The following ELP4 variants were observed in gnomAD, a reference collection of about 807,000 sequenced individuals.
ELP4 encodes the protein elongator acetyltransferase complex subunit 4.
Under a neutral mutation model 48.9 loss-of-function variants are expected in ELP4, and 51 were observed. That is an observed-to-expected ratio of 1.04 (90% CI 0.83 to 1.32). ELP4 has a LOEUF of 1.32. ELP4 is among the 40% of genes most tolerant of loss of function. The pLI is 0.00. For synonymous variants in ELP4, 210 were observed against 189.2 expected (o/e 1.11, Z -0.90); for missense variants, 519 against 514.6 (o/e 1.01, Z -0.08).
At chr11:31,707,280 T>A (rs1368902367) in intron 9 of ELP4, 3 of 324,348 alleles carry the variant, frequency 9.2e-6, no homozygotes, top group Non-Finnish European at 1.7e-5. Flanking sequence ...ACAGTTCATG[T>A]TACTAGCAAT....
At chr11:31,771,871 T>A (rs531903467) in intron 9 of ELP4, among the ~76,000 whole-genome samples, 4 of 152,148 alleles carry the variant, frequency 2.6e-5, no homozygotes, top group Admixed American at 6.5e-5. Flanking sequence ...AGTCCCAGCT[T>A]CTCAGGAGGC....
intron 3 of ELP4, among the ~76,000 whole-genome samples, chr11:31,572,627 G>A (rs1957208052): frequency 6.6e-6 from 1 of 152,084 alleles, no homozygotes; most frequent in South Asian, 2.1e-4. Flanking sequence ...TATCTAAGAT[G>A]TTACCAGTTT....
intron 9 of ELP4, among the ~76,000 whole-genome samples, chr11:31,705,661 G>A (rs538103162): frequency 6.6e-6 from 1 of 152,056 alleles, no homozygotes; most frequent in Non-Finnish European, 1.5e-5. Context: ...TAATGGTTAT[G>A]TCTTAGTTCT....
intron 9 of ELP4, among the ~76,000 whole-genome samples, chr11:31,670,683 G>A (rs991729417): frequency 3.9e-5 from 6 of 152,062 alleles, no homozygotes; most frequent in Non-Finnish European, 8.8e-5. Context: ...CAAGCAAAGG[G>A]AGGCTTTTGC....
At chr11:31,604,828 G>A (rs1187491141) in intron 5 of ELP4, among the ~76,000 whole-genome samples, 2 of 151,918 alleles carry the variant, frequency 1.3e-5, no homozygotes, top group Admixed American at 6.6e-5. Flanking sequence ...TCTATGGATA[G>A]AGACTTAGCA....
intron 9 of ELP4, chr11:31,727,927 A>G (rs1272956928): frequency 2.0e-5 from 3 of 152,172 alleles, no homozygotes; most frequent in Non-Finnish European, 4.4e-5. Flanking sequence ...GGCAGAGATG[A>G]TAAGCAGTAT....
At chr11:31,699,126 C>G (rs988519946) in intron 9 of ELP4, among the ~76,000 whole-genome samples, 63 of 152,052 alleles carry the variant, frequency 4.1e-4, no homozygotes, top group African/African-American at 1.4e-3. Flanking sequence ...AATGACAACC[C>G]TAGGGAATAC....
Position 31,790,013 on chromosome 11 carries a change from A to G in ELP4, c.*6489A>G. Reference sequence around the variant, plus strand: ...AACTGGAACTGACACACCAGGGGAAATGAGTCCTAGAAGTGGATGAAAGAA... The same window carrying G: ...AACTGGAACTGACACACCAGGGGAAGTGAGTCCTAGAAGTGGATGAAAGAA... On this transcript the variant is annotated 3_prime_UTR_variant, in exon 10 of 10. Coordinates refer to ENST00000640961, the MANE Select transcript of ELP4 (RefSeq NM_019040.5). The G allele has an allele frequency of 6.3e-7, 1 of 1,586,774 alleles. No homozygotes were observed.
intron 3 of ELP4, among the ~76,000 whole-genome samples, chr11:31,555,599 G>A (rs1956918744): frequency 6.6e-6 from 1 of 151,656 alleles, no homozygotes; most frequent in Non-Finnish European, 1.5e-5. Context: ...ATATATTAAT[G>A]TGGTCCAGTT....
intron 9 of ELP4, among the ~76,000 whole-genome samples, chr11:31,731,370 CCAAA>C (rs1254689831): frequency 6.6e-6 from 1 of 152,170 alleles, no homozygotes; most frequent in African/African-American, 2.4e-5. Context: ...TATAAAAGAA[CCAAA>C]CAAAGTTTGG....
chr11:31,666,600 G>C (rs1302602620), intron 9 of ELP4, among the ~76,000 whole-genome samples: 1 of 151,428 alleles, frequency 6.6e-6, no homozygotes, highest in African/African-American at 2.4e-5. Flanking sequence ...GCTGAGGCAG[G>C]AGAATCACTT....
intron 9 of ELP4, among the ~76,000 whole-genome samples, chr11:31,658,191 A>G (rs1035081316): frequency 1.3e-5 from 2 of 152,028 alleles, no homozygotes; most frequent in Non-Finnish European, 2.9e-5. Context: ...TCTTCAATAA[A>G]AAATGTTTTT....
At position 31,684,944 on chromosome 11, in the gene ELP4, C is replaced by G. The variant is rs116192139; in HGVS notation, c.1143+34723C>G. Reference sequence around the variant, plus strand: ...TATTCCTGATTTTGATCTTACTAAACAAATTATAAAATGATTTCAATATAT... The same window carrying G: ...TATTCCTGATTTTGATCTTACTAAAGAAATTATAAAATGATTTCAATATAT... On this transcript the variant is annotated intron_variant, in intron 9 of 9. Coordinates refer to ENST00000640961, the MANE Select transcript of ELP4 (RefSeq NM_019040.5). 1.8e-3 allele frequency among the ~76,000 whole-genome samples: 269 copies of G among 152,298 alleles called. 1 individual carries two copies. The highest frequency in any genetic ancestry group is 6.2e-3 in the African/African-American group (259 of 41,558).
At chr11:31,634,172 G>C (rs1592177157) in intron 7 of ELP4, 1 of 151,892 alleles carries the variant, frequency 6.6e-6, no homozygotes, top group Non-Finnish European at 1.5e-5. Context: ...TATCCTATGT[G>C]TCCTGAATTA....
intron 2 of ELP4, among the ~76,000 whole-genome samples, chr11:31,525,298 A>G (rs193054215): frequency 6.6e-6 from 1 of 152,192 alleles, no homozygotes; most frequent in Non-Finnish European, 1.5e-5. Flanking sequence ...AGGACAACTG[A>G]TATCAGTGCA....
chr11:31,579,512 A>G (rs541977385), intron 3 of ELP4, among the ~76,000 whole-genome samples: 1 of 152,298 alleles, frequency 6.6e-6, no homozygotes, highest in African/African-American at 2.4e-5. Context: ...ACTTTTCGCA[A>G]TAGCAAAGAC....
rs1949301789 is a variant in ELP4, at chr11:31,790,095, TACA to T, written c.*6573_*6575del. On this transcript the variant is annotated 3_prime_UTR_variant, in exon 10 of 10. Coordinates refer to ENST00000640961, the MANE Select transcript of ELP4 (RefSeq NM_019040.5). ...GACATGGAATACAAATTTATAGGTT[TACA>T]AAAAAAAAAAAAAAAAAAAAAACTA... The T allele has an allele frequency of 1.1e-4, 7 of 61,232 alleles. No homozygotes were observed. The highest frequency in any genetic ancestry group is 1.3e-4 in the Non-Finnish European group (5 of 39,104). 3.8% of individuals were successfully genotyped at this position (61,232 alleles called of 1,614,324 possible).
At chr11:31,668,831 AG>A (rs1369831804) in intron 9 of ELP4, among the ~76,000 whole-genome samples, 2 of 152,052 alleles carry the variant, frequency 1.3e-5, no homozygotes, top group Non-Finnish European at 2.9e-5. Context: ...TGAACTTACA[AG>A]GACTAATTAT....
At chr11:31,761,701 T>C (rs1178442696) in intron 9 of ELP4, among the ~76,000 whole-genome samples, 1 of 152,224 alleles carries the variant, frequency 6.6e-6, no homozygotes, top group Non-Finnish European at 1.5e-5. Context: ...AAATGATTTA[T>C]TAAGCTAAAC....
Sources: allele counts gnomAD v4.1 joint callset (sites outside exome capture counted in the v4.1 genomes callset), GRCh38; gene constraint gnomAD v4.1.1; transcripts MANE v1.5; gene names NCBI Gene and HGNC (gene_info 2026-07-23, HGNC 2026-07-21).